TANGO6: variants seen among roughly 807,000 people sequenced by gnomAD.
The protein encoded by TANGO6 is transport and golgi organization 6 homolog.
TANGO6 carries 90 observed loss-of-function variants against 114.2 expected under a neutral mutation model. The observed-to-expected ratio is 0.79, with a 90% CI of 0.66 to 0.94. The LOEUF (loss-of-function observed/expected upper bound fraction) is 0.94. Ranked by LOEUF, TANGO6 falls within the 40% of genes least tolerant of loss-of-function variation. TANGO6 has a pLI of 0.00. For synonymous variants in TANGO6, 477 were observed against 509.8 expected, an observed-to-expected ratio of 0.94 and a Z score of 0.87; for missense variants, 1,274 against 1,315.3, an observed-to-expected ratio of 0.97 and a Z score of 0.49.
intron 15 of TANGO6, among the ~76,000 whole-genome samples, chr16:69,022,396 A>G (rs779145881): frequency 1.1e-4 from 17 of 152,170 alleles, no homozygotes; most frequent in Non-Finnish European, 1.9e-4. Context: ...ATGGTTATGC[A>G]AGTACTTTGA....
intron 16 of TANGO6, among the ~76,000 whole-genome samples, chr16:69,029,939 C>G (rs251102): frequency 0.34 from 52,099 of 151,130 alleles, 10,664 homozygotes; most frequent in East Asian, 0.56. Flanking sequence ...TAAACCCCAT[C>G]TCTACTAAAA....
intron 7 of TANGO6, among the ~76,000 whole-genome samples, chr16:68,892,569 G>A (rs1360679839): frequency 6.6e-6 from 1 of 150,842 alleles, no homozygotes; most frequent in Non-Finnish European, 1.5e-5. Context: ...GAGTGCAGTG[G>A]TGTAGCATGA....
Position 69,080,287 on chromosome 16 carries a change from G to C in TANGO6, c.3109-3198G>C, listed in dbSNP as rs149100461. Reference sequence around the variant, plus strand: ...GAATATAATTTTGTACTTTAAAAAGGTAAGGGAAGGCTGGGCTTGGTGGCT... The same window carrying C: ...GAATATAATTTTGTACTTTAAAAAGCTAAGGGAAGGCTGGGCTTGGTGGCT... On this transcript the variant is annotated intron_variant, in intron 17 of 17. Transcript: ENST00000261778. Among the ~76,000 whole-genome samples the C allele has an allele frequency of 2.6e-3, 389 of 152,244 alleles. 2 individuals are homozygous for C. The highest frequency in any genetic ancestry group is 8.0e-3 in the African/African-American group (333 of 41,524).
chr16:68,968,072 AT>A (rs1239002860), intron 14 of TANGO6, among the ~76,000 whole-genome samples: 25 of 147,872 alleles, frequency 1.7e-4, no homozygotes, highest in East Asian at 2.0e-4. Context: ...TCGTAATAAC[AT>A]TTTTTTTTTT....
chr16:68,859,804 G>T, intron 1 of TANGO6, 80 bp from the exon 2 acceptor site: 1 of 1,431,688 alleles, frequency 7.0e-7, no homozygotes, highest in Non-Finnish European at 9.3e-7. Flanking sequence ...GGATGAACTG[G>T]AGTAGGCAGG....
chr16:68,878,920 A>G (rs1164864829), intron 6 of TANGO6, among the ~76,000 whole-genome samples: 2 of 151,952 alleles, frequency 1.3e-5, no homozygotes, highest in Admixed American at 6.6e-5. Context: ...AAAAAACAGT[A>G]TAAAAATTAG....
At position 68,927,940 on chromosome 16, in the gene TANGO6, G is replaced by T. The variant is rs1258951237; in HGVS notation, c.2500G>T (p.Val834Leu). ...STTTSQKSGS[V>L]TTEQLQEVLL... ...TACTACAAGTCAGAAATCTGGAAGC[G>T]TAACCACAGAACAGCTCCAAGAGGT... Residue 834 changes from valine to leucine, a missense_variant, in exon 13 of 18, where the codon GTA (valine) becomes TTA (leucine). Coordinates refer to ENST00000261778, the MANE Select transcript of TANGO6 (RefSeq NM_024562.2). The T allele has an allele frequency of 6.2e-7, 1 of 1,613,738 alleles. No homozygotes were observed. The highest frequency in any genetic ancestry group is 2.2e-5 in the East Asian group (1 of 44,900).
intron 15 of TANGO6, among the ~76,000 whole-genome samples, chr16:68,987,166 T>C (rs7203585): frequency 2.2e-4 from 33 of 151,888 alleles, no homozygotes; most frequent in African/African-American, 7.0e-4. Context: ...CTATTTTTTT[T>C]CTATGATATA....
chr16:68,950,209 TTAGA>T (rs1963458166), intron 14 of TANGO6, among the ~76,000 whole-genome samples: 1 of 152,106 alleles, frequency 6.6e-6, no homozygotes. Flanking sequence ...TGTTTTGGAA[TTAGA>T]TAGTGGGGAT....
rs538789036 is a variant in TANGO6 at position 68,987,137 on chromosome 16, G to T, written c.2842+12969G>T. ...TCATTTATTCAACCATTTTTCTGTG[G>T]ATGGGTATCCATTTTTTTCTATTTT... On this transcript the variant is annotated intron_variant, in intron 15 of 17. Transcript: ENST00000261778. 2.1e-4 allele frequency among the ~76,000 whole-genome samples: 28 copies of T among 131,230 alleles called. No homozygotes were observed. In the East Asian group the frequency reaches 5.7e-3, roughly 27 times the overall value. 86.1% of individuals were successfully genotyped at this position (131,230 alleles called of 152,430 possible).
At chr16:68,899,727 G>T (rs1477408) in intron 7 of TANGO6, among the ~76,000 whole-genome samples, 1 of 151,878 alleles carries the variant, frequency 6.6e-6, no homozygotes, top group South Asian at 2.1e-4. Flanking sequence ...AGCCTACCAC[G>T]TAGTTAGGAC....
At chr16:68,975,567 G>A (rs1479082986) in intron 15 of TANGO6, among the ~76,000 whole-genome samples, 8 of 147,654 alleles carry the variant, frequency 5.4e-5, no homozygotes, top group Non-Finnish European at 1.2e-4. Flanking sequence ...TTTTTTTTTT[G>A]TTTTTTTCAA....
chr16:68,858,017 T>C (rs1297762659), intron 1 of TANGO6, among the ~76,000 whole-genome samples: 2 of 152,164 alleles, frequency 1.3e-5, no homozygotes, highest in African/African-American at 2.4e-5. Context: ...CTTCCTTAAA[T>C]GATTCATCAG....
chr16:68,909,556 G>A, intron 11 of TANGO6, 154 bp downstream of exon 11: 1 of 632,544 alleles, frequency 1.6e-6, no homozygotes, highest in Non-Finnish European at 2.3e-6. Flanking sequence ...CCCACACCAG[G>A]CCACTGAATC....
intron 17 of TANGO6, among the ~76,000 whole-genome samples, chr16:69,057,043 C>G (rs1325853672): frequency 2.0e-5 from 2 of 100,160 alleles, no homozygotes; most frequent in East Asian, 6.9e-4. Flanking sequence ...GAGTCTTGCT[C>G]TGTTGCCCAG....
chr16:68,964,563 ATTTTTT>A (rs762474177), intron 14 of TANGO6, among the ~76,000 whole-genome samples: 1 of 133,360 alleles, frequency 7.5e-6, no homozygotes, highest in Non-Finnish European at 1.6e-5. Context: ...AAACATATTA[ATTTTTT>A]TTTTTTTTTT....
intron 14 of TANGO6, among the ~76,000 whole-genome samples, chr16:68,934,690 A>G (rs1351962805): frequency 6.6e-6 from 1 of 152,192 alleles, no homozygotes; most frequent in Non-Finnish European, 1.5e-5. Context: ...TTCAGAACAC[A>G]AGTCATCCTG....
chr16:69,058,191 C>G (rs773354941), intron 17 of TANGO6, among the ~76,000 whole-genome samples: 1 of 152,136 alleles, frequency 6.6e-6, no homozygotes, highest in Non-Finnish European at 1.5e-5. Flanking sequence ...CTTGGGGTGA[C>G]GCGAAATGAC....
chr16:68,927,670 C>T lies in TANGO6; in HGVS notation c.2230C>T (p.Leu744Phe). The change falls in exon 13 of 18, where the codon CTC (leucine) becomes TTC (phenylalanine). Residue 744 changes from leucine (L) to phenylalanine (F), a missense_variant. This residue lies in a region of TANGO6 where 908 missense variants were observed against 910.2 expected (regional missense o/e 1.00). Coordinates refer to ENST00000261778, the MANE Select transcript of TANGO6 (RefSeq NM_024562.2). ...DPVIQELAVD[L>F]RITISTHGAF... ...GGTCATCCAAGAACTCGCTGTTGATCTCCGCATCACCATCTCTACCCATGG... is the reference window on the plus strand; with the variant it reads ...GGTCATCCAAGAACTCGCTGTTGATTTCCGCATCACCATCTCTACCCATGG... 1 of 1,614,034 alleles carries T rather than the reference C, an allele frequency of 6.2e-7. No homozygotes were observed. Among genetic ancestry groups the T allele is most frequent in the Non-Finnish European group, 8.5e-7 (1 of 1,179,896 alleles).
Sources: allele counts gnomAD v4.1 joint callset (sites outside exome capture counted in the v4.1 genomes callset), GRCh38; gene constraint gnomAD v4.1.1; regional missense constraint gnomAD v4.1.1; transcripts MANE v1.5; gene names NCBI Gene and HGNC (gene_info 2026-07-23, HGNC 2026-07-21).